Variants in ANO9 observed in about 807,000 individuals in gnomAD.
ANO9 encodes anoctamin-9.
A neutral mutation model predicts 100.5 loss-of-function variants in ANO9; 80 were observed. That is an observed-to-expected ratio of 0.80 (90% CI 0.66 to 0.96). The LOEUF (loss-of-function observed/expected upper bound fraction) is 0.96. Among genes scored for constraint, ANO9 ranks in the 40% least tolerant of loss-of-function variants. The pLI is 0.00. For synonymous variants in ANO9, 473 were observed against 435.6 expected (o/e 1.09, Z -1.07); for missense variants, 1,064 against 1,072.7 (o/e 0.99, Z 0.11).
intron 15 of ANO9, among the ~76,000 whole-genome samples, chr11:425,934 G>A (rs894460494): frequency 6.6e-6 from 1 of 151,668 alleles, no homozygotes; most frequent in Non-Finnish European, 1.5e-5. Context: ...GGGTTTCACC[G>A]TGTTAGCCAG....
At chr11:429,450 G>T in intron 11 of ANO9, 120 bp downstream of exon 11, 5 of 1,506,676 alleles carry the variant, frequency 3.3e-6, no homozygotes, top group Non-Finnish European at 4.4e-6. Flanking sequence ...CCCACATGTG[G>T]GGAGACAGAC....
In ANO9 at chr11:422,325, G is replaced by A. The variant is rs916565264; in HGVS notation, c.1335-1127C>T. 1.3e-5 allele frequency among the ~76,000 whole-genome samples: 2 copies of A among 152,232 alleles called. No homozygotes were observed. The highest frequency in any genetic ancestry group is 2.9e-5 in the Non-Finnish European group (2 of 68,032). On this transcript the variant is annotated intron_variant, in intron 15 of 22. Coordinates refer to ENST00000332826, the MANE Select transcript of ANO9 (RefSeq NM_001012302.3). This position sits in a 1 kb window ranked among gnomAD's most constrained non-coding sequence, Gnocchi z 4.3. ...AGCGATGGGCCGCAAAGACGTCCAC[G>A]TGCTCATTCTTGGAGCCTGTGACCA...
intron 15 of ANO9, among the ~76,000 whole-genome samples, chr11:426,585 A>C (rs1250614538): frequency 6.6e-6 from 1 of 152,090 alleles, no homozygotes; most frequent in Non-Finnish European, 1.5e-5. Context: ...AAAGTAAATA[A>C]ATAAAAATAA....
chr11:440,055 G>A (rs1033759944), intron 1 of ANO9, among the ~76,000 whole-genome samples: 2 of 152,094 alleles, frequency 1.3e-5, no homozygotes, highest in African/African-American at 4.8e-5. Flanking sequence ...AGCATTCCCG[G>A]GAGAAAGAAC....
Position 421,590 on chromosome 11 carries a change from C to A in ANO9, c.1335-392G>T, listed in dbSNP as rs1451740074. Among the ~76,000 whole-genome samples the A allele has an allele frequency of 3.1e-5, 4 of 127,476 alleles. No individual in the cohort carries two copies. The highest frequency in any genetic ancestry group is 1.2e-4 in the African/African-American group (4 of 33,844). The allele number at this position is 127,476 out of a possible 152,430, so 83.6% of individuals were successfully genotyped here. A position where few individuals can be genotyped will look rare whatever the true frequency, so the allele number is the denominator to read the frequency against. ...CCACACGTGGGCGCGCGCACACACA[C>A]ACACACCCCCACACAGGGGAGGCCA... On this transcript the variant is annotated intron_variant, in intron 15 of 22. Transcript: ENST00000332826. The surrounding 1 kb of genome is among the most constrained non-coding windows in gnomAD (Gnocchi z 6.8).
In ANO9 at chr11:431,916, A is replaced by T; in HGVS notation, c.407-10T>A. On this transcript the variant is annotated splice_polypyrimidine_tract_variant and intron_variant, in intron 5 of 22. Transcript: ENST00000332826. ...AGATCCTCGAAGGTCTCTGGGTCAC[A>T]GGGGTTCACGAGTCAGGGGGAGTGA... 1 of 1,611,394 alleles carries T rather than the reference A, an allele frequency of 6.2e-7. No individual in the cohort carries two copies. The highest frequency in any genetic ancestry group is 8.5e-7 in the Non-Finnish European group (1 of 1,178,624).
chr11:421,384 A>G lies in ANO9; in HGVS notation c.1335-186T>C. On this transcript the variant is annotated intron_variant, in intron 15 of 22. Transcript: ENST00000332826. The surrounding 1 kb of genome is among the most constrained non-coding windows in gnomAD (Gnocchi z 6.8). ...CACGTGGGCACGCACACACACACAC[A>G]CACACACAGGGGAGGCCACAGGCTC... 1 of 530,814 alleles carries G rather than the reference A, an allele frequency of 1.9e-6. No homozygotes were observed. The highest frequency in any genetic ancestry group is 3.2e-6 in the Non-Finnish European group (1 of 309,628). 32.9% of individuals were successfully genotyped at this position (530,814 alleles called of 1,614,324 possible). A position where few individuals can be genotyped will look rare whatever the true frequency, so the allele number is the denominator to read the frequency against.
At position 439,013 on chromosome 11, in the gene ANO9, G is replaced by A. The variant is rs538857302; in HGVS notation, c.6+2908C>T. 2.7e-4 allele frequency among the ~76,000 whole-genome samples: 41 copies of A among 152,240 alleles called. No individual in the cohort carries two copies. The Middle Eastern group carries it at 0.01, about 38-fold the overall frequency. ...GGAGGCCGGCTCTGGGTGGACAGCC[G>A]GCCAGGCCCTAGCTCTGACGCCACC... On this transcript the variant is annotated intron_variant, in intron 1 of 22. Transcript: ENST00000332826.
chr11:429,913 G>T, intron 9 of ANO9, 95 bp from the exon 10 acceptor site: 2 of 1,236,154 alleles, frequency 1.6e-6, no homozygotes, highest in Non-Finnish European at 2.3e-6. Flanking sequence ...GGGGAAGGGG[G>T]CAGGTGGGCT....
rs1181631408 is a variant in ANO9, at chr11:422,847, TCAGA to T, written c.1335-1653_1335-1650del. Among the ~76,000 whole-genome samples the T allele has an allele frequency of 1.5e-4, 23 of 151,564 alleles. No individual in the cohort carries two copies. Among genetic ancestry groups the T allele is most frequent in the African/African-American group, 5.6e-4 (23 of 41,018 alleles). ...TCCCACAGAATTTTTTTTTTTTTTT[TCAGA>T]CAGAGTCTTGCTCTGTCACCCAGGC... is the stretch of plus-strand genomic sequence containing the variant. On this transcript the variant is annotated intron_variant, in intron 15 of 22. Transcript: ENST00000332826. The surrounding 1 kb of genome is among the most constrained non-coding windows in gnomAD (Gnocchi z 4.3).
In ANO9 at chr11:433,466, G is replaced by A. The variant is rs375998377; in HGVS notation, c.205-7C>T. 5.0e-6 allele frequency: 8 copies of A among 1,612,960 alleles called. No homozygotes were observed. In the African/African-American group the frequency reaches 6.7e-5, roughly 13 times the overall value. On this transcript the variant is annotated splice_region_variant and splice_polypyrimidine_tract_variant and intron_variant, in intron 3 of 22. Transcript: ENST00000332826. ...GTTTCTGGTCCCGGATCACCTGGGG[G>A]CACATGGGATCCTCTATCCCACCTC...
rs1399212782 is a variant in ANO9 at position 433,917 on chromosome 11, C to T, written c.102G>A (p.Trp34Ter). Residue 34 changes from tryptophan to a stop codon, truncating the protein, a stop_gained, in exon 3 of 23, where the codon TGG becomes TGA. Transcript: ENST00000332826. LOFTEE classifies it high-confidence loss of function. ...STCETEASEQ[W>*]DYVLVAQRHT... is the part of the protein sequence containing the mutation. Reference sequence around the variant, plus strand: ...GACGTTGGGCCACGAGGACATAGTCCCACTGCTCGGAGGCCTCGGTCTGCA... The same window carrying T: ...GACGTTGGGCCACGAGGACATAGTCTCACTGCTCGGAGGCCTCGGTCTGCA... 11 of 1,563,062 alleles carry T rather than the reference C, an allele frequency of 7.0e-6. No individual in the cohort carries two copies. The highest frequency in any genetic ancestry group is 8.7e-6 in the Non-Finnish European group (10 of 1,153,696).
intron 19 of ANO9, 58 bp downstream of exon 19, chr11:420,405 A>C (rs1848100087): frequency 1.3e-6 from 2 of 1,580,112 alleles, no homozygotes; most frequent in Admixed American, 3.5e-5. Context: ...GGCCAGCGGG[A>C]AGCCCACAGG....
In ANO9 at chr11:420,537, A is replaced by C; in HGVS notation, c.1712T>G (p.Val571Gly). Residue 571 changes from valine (V) to glycine (G), a missense_variant, in exon 19 of 23, where the codon GTG (valine) becomes GGG (glycine). Coordinates refer to ENST00000332826, the MANE Select transcript of ANO9 (RefSeq NM_001012302.3). ...APLLALFSNL[V>G]EIRLDAIKMV... is the part of the protein sequence containing the mutation. ...CTTGATGGCGTCCAGGCGGATCTCC[A>C]CGAGGTTGCTGAAGAGCGCGAGCAG... 6.2e-7 allele frequency: 1 copy of C among 1,606,284 alleles called. No individual in the cohort carries two copies. Among genetic ancestry groups the C allele is most frequent in the South Asian group, 1.1e-5 (1 of 91,040 alleles).
At chr11:423,362 C>T (rs1387287635) in intron 15 of ANO9, among the ~76,000 whole-genome samples, 2 of 152,042 alleles carry the variant, frequency 1.3e-5, no homozygotes, top group African/African-American at 2.4e-5. Context: ...TGGTGTATGA[C>T]GAAGAAGGCA....
chr11:430,373 G>A lies in ANO9; in HGVS notation c.570C>T (p.Tyr190=), dbSNP rs756994913. ...AGGTGTACCAGCCCAGCCAGACGAAGTACAGGGCCACCTTTTCCCCAAAGT... is the reference window on the plus strand; with the variant it reads ...AGGTGTACCAGCCCAGCCAGACGAAATACAGGGCCACCTTTTCCCCAAAGT... ...RNYFGEKVAL[Y]FVWLGWYTYM... The change falls in exon 8 of 23, where the codon TAC becomes TAT. Residue 190 remains tyrosine (Y), a synonymous_variant. Transcript: ENST00000332826. The A allele has an allele frequency of 1.0e-5, 16 of 1,603,602 alleles. No homozygotes were observed. Among genetic ancestry groups the A allele is most frequent in the Admixed American group, 1.7e-5 (1 of 59,094 alleles).
chr11:436,294 C>T (rs1200268089), intron 1 of ANO9, among the ~76,000 whole-genome samples: 11 of 151,918 alleles, frequency 7.2e-5, no homozygotes, highest in Admixed American at 6.6e-4. Context: ...CTCGAACTCC[C>T]GACCTCGGGT....
chr11:427,215 T>C (rs1848568969), intron 15 of ANO9, among the ~76,000 whole-genome samples: 1 of 151,990 alleles, frequency 6.6e-6, no homozygotes, highest in South Asian at 2.1e-4. Context: ...CTGGGTGTGG[T>C]GGTGCGCACC....
rs774639166 is a variant in ANO9, at chr11:432,082, T to C, written c.351-28A>G. The C allele has an allele frequency of 4.3e-6, 7 of 1,612,006 alleles. No homozygotes were observed. In the African/African-American group the frequency reaches 5.3e-5, roughly 12 times the overall value. ...CAAGAGCCAGAGCAGGGTGGCCCCG[T>C]GTGACCACAGTGGACCCTGCCTCCA... On this transcript the variant is annotated intron_variant, in intron 4 of 22. Transcript: ENST00000332826. The surrounding 1 kb of genome is among the most constrained non-coding windows in gnomAD (Gnocchi z 4.8).
Sources: gnomAD v4.1 joint callset for allele counts (sites outside exome capture counted in the v4.1 genomes callset) on GRCh38, gnomAD v4.1.1 for gene constraint, Gnocchi (gnomAD v3.1) non-coding constraint, MANE v1.5 for transcripts, NCBI Gene and HGNC (gene_info 2026-07-23, HGNC 2026-07-21) for gene names.